The following UPK1B variants were observed in gnomAD, a reference collection of about 807,000 sequenced individuals.
The protein encoded by UPK1B is uroplakin-1b.
Under a neutral mutation model 34.2 loss-of-function variants are expected in UPK1B, and 28 were observed. That is an observed-to-expected ratio of 0.82 (90% CI 0.61 to 1.12). The LOEUF (loss-of-function observed/expected upper bound fraction) is 1.12. Among genes scored for constraint, UPK1B ranks in the 50% most tolerant of loss-of-function variants. The pLI is 0.00. For synonymous variants in UPK1B, 81 were observed against 110.4 expected, an observed-to-expected ratio of 0.73 and a Z score of 1.67; for missense variants, 325 against 320.9, an observed-to-expected ratio of 1.01 and a Z score of -0.10.
At chr3:119,198,124 C>A in intron 6 of UPK1B, among the ~76,000 whole-genome samples, 1 of 142,908 alleles carries the variant, frequency 7.0e-6, no homozygotes, top group African/African-American at 2.6e-5. Flanking sequence ...GGGAAGGATC[C>A]TTCTTAGGAA....
chr3:119,190,164 G>T (rs992961952), intron 3 of UPK1B, 81 bp from the exon 4 acceptor site: 7 of 1,092,626 alleles, frequency 6.4e-6, no homozygotes, highest in African/African-American at 4.7e-5. Flanking sequence ...TGATAAATTT[G>T]CTGAAAAAAC....
chr3:119,186,616 T>C (rs2078020495), intron 1 of UPK1B, 98 bp from the exon 2 acceptor site: 3 of 825,940 alleles, frequency 3.6e-6, no homozygotes, highest in Non-Finnish European at 5.9e-6. Context: ...TTATATGGCT[T>C]TGGTTTGGAT....
At chr3:119,179,399 T>TATATA (rs1559900078) in intron 1 of UPK1B, among the ~76,000 whole-genome samples, 2,343 of 54,042 alleles carry the variant, frequency 0.043, 448 homozygotes, top group Non-Finnish European at 0.056. Flanking sequence ...ATATATATAT[T>TATATA]AATTCTAAGG....
rs1364271255 is a variant in UPK1B, at chr3:119,195,855, T to A, written c.648+1457T>A. On this transcript the variant is annotated intron_variant, in intron 6 of 7. Transcript: ENST00000264234. ...GACAAACCTGAAGCTTTTCTCAAGT[T>A]TAGATAGATGAGAAATTGAGGAAAA... 2.6e-5 allele frequency among the ~76,000 whole-genome samples: 4 copies of A among 152,350 alleles called. No homozygotes were observed. The East Asian group carries it at 7.7e-4, about 29-fold the overall frequency.
intron 7 of UPK1B, among the ~76,000 whole-genome samples, chr3:119,203,019 A>T (rs1559905158): frequency 6.6e-6 from 1 of 152,130 alleles, no homozygotes. Context: ...TGGCCCAGTG[A>T]TGTTGCTTAT....
chr3:119,186,277 C>G (rs1162112696), intron 1 of UPK1B, among the ~76,000 whole-genome samples: 1 of 152,098 alleles, frequency 6.6e-6, no homozygotes, highest in East Asian at 1.9e-4. Context: ...TTAAAAGCAC[C>G]CTGCAGTCCA....
At chr3:119,196,903 C>T (rs2078070340) in intron 6 of UPK1B, among the ~76,000 whole-genome samples, 1 of 152,090 alleles carries the variant, frequency 6.6e-6, no homozygotes, top group South Asian at 2.1e-4. Context: ...GAGTGCCATG[C>T]TGCAATCACA....
chr3:119,178,465 T>C (rs1444772973), intron 1 of UPK1B, among the ~76,000 whole-genome samples: 6 of 152,182 alleles, frequency 3.9e-5, no homozygotes, highest in African/African-American at 9.7e-5. Flanking sequence ...GGGGGAGATA[T>C]AAATTCAGAG....
intron 7 of UPK1B, among the ~76,000 whole-genome samples, chr3:119,200,061 A>C (rs191968263): frequency 6.6e-6 from 1 of 152,338 alleles, no homozygotes; most frequent in Admixed American, 6.5e-5. Context: ...TTAGATTCTC[A>C]TATTTGCACC....
At chr3:119,194,491 A>G in intron 6 of UPK1B, 93 bp downstream of exon 6, 1 of 1,169,756 alleles carries the variant, frequency 8.5e-7, no homozygotes, top group South Asian at 1.7e-5. Flanking sequence ...TCTTTCAGTA[A>G]GGAATTCTAC....
At position 119,194,295 on chromosome 3, in the gene UPK1B, C is replaced by T. The variant is rs767771462; in HGVS notation, c.545C>T (p.Ala182Val). 1.9e-6 allele frequency: 3 copies of T among 1,613,978 alleles called. No homozygotes were observed. Among genetic ancestry groups the T allele is most frequent in the Non-Finnish European group, 2.5e-6 (3 of 1,179,926 alleles). Residue 182 changes from alanine (A) to valine (V), a missense_variant, in exon 6 of 8, where the codon GCT (alanine) becomes GTT (valine). Physicochemically the swap from Ala to Val is moderately conservative, Grantham distance 64. Transcript: ENST00000264234. ...TSAFRTENND[A>V]DYPWPRQCCV... ...GCCTTCCGGACTGAGAATAATGATG[C>T]TGACTATCCCTGGCCTCGTCAATGC... is the stretch of plus-strand genomic sequence containing the variant.
intron 3 of UPK1B, among the ~76,000 whole-genome samples, chr3:119,189,208 G>A (rs2078033361): frequency 6.6e-6 from 1 of 152,212 alleles, no homozygotes; most frequent in African/African-American, 2.4e-5. Flanking sequence ...CAAGGAGCAA[G>A]GCAGCAGCTA....
At chr3:119,200,873 G>A (rs908360436) in intron 7 of UPK1B, among the ~76,000 whole-genome samples, 1 of 152,110 alleles carries the variant, frequency 6.6e-6, no homozygotes, top group Non-Finnish European at 1.5e-5. Flanking sequence ...TCATGCAAGT[G>A]CTTTTAAGAC....
chr3:119,180,442 C>T (rs2077984304), intron 1 of UPK1B, among the ~76,000 whole-genome samples: 1 of 152,162 alleles, frequency 6.6e-6, no homozygotes, highest in Non-Finnish European at 1.5e-5. Flanking sequence ...CACCATATCC[C>T]AGCCAAGTTG....
intron 3 of UPK1B, 93 bp from the exon 4 acceptor site, chr3:119,190,152 T>C (rs2078037347): frequency 1.0e-6 from 1 of 967,242 alleles, no homozygotes; most frequent in South Asian, 1.6e-5. Flanking sequence ...TACATGATTA[T>C]ATGATAAATT....
At chr3:119,187,677 G>A in intron 2 of UPK1B, 98 bp from the exon 3 acceptor site, 1 of 1,290,296 alleles carries the variant, frequency 7.8e-7, no homozygotes, top group Non-Finnish European at 1.1e-6. Flanking sequence ...CATAAAGCCT[G>A]TGCAGGAAAG....
intron 5 of UPK1B, among the ~76,000 whole-genome samples, chr3:119,191,848 A>AC (rs2078046474): frequency 6.6e-6 from 1 of 151,606 alleles, no homozygotes; most frequent in Non-Finnish European, 1.5e-5. Context: ...GATCTACATC[A>AC]CCCCTTATCC....
chr3:119,188,418 C>T (rs991420070), intron 3 of UPK1B, among the ~76,000 whole-genome samples: 10 of 152,162 alleles, frequency 6.6e-5, no homozygotes, highest in African/African-American at 2.4e-4. Context: ...AATATGCATA[C>T]ATTTTTAAAA....
chr3:119,176,485 T>A (rs989537519), intron 1 of UPK1B, among the ~76,000 whole-genome samples: 1 of 152,160 alleles, frequency 6.6e-6, no homozygotes, highest in African/African-American at 2.4e-5. Context: ...ATTCTAGCTT[T>A]AAAAAAATCT....
Sources: gnomAD v4.1 joint callset for allele counts (sites outside exome capture counted in the v4.1 genomes callset) on GRCh38, gnomAD v4.1.1 for gene constraint, MANE v1.5 for transcripts, NCBI Gene and HGNC (gene_info 2026-07-23, HGNC 2026-07-21) for gene names.